SHQ1: variants seen among roughly 807,000 people sequenced by gnomAD.
SHQ1 encodes the protein SHQ1, H/ACA ribonucleoprotein assembly factor.
In SHQ1, 49 loss-of-function variants were observed where a neutral mutation model predicts 53.8. The ratio of observed to expected loss-of-function variants is 0.91; its 90% CI spans 0.72 to 1.16. The LOEUF is 1.16. Among genes scored for constraint, SHQ1 ranks in the 50% most tolerant of loss-of-function variants. The pLI is 0.00. For synonymous variants in SHQ1, 243 were observed against 251.0 expected (o/e 0.97, Z 0.30); for missense variants, 738 against 683.1 (o/e 1.08, Z -0.90).
chr3:72,809,776 C>A (rs758203581), intron 9 of SHQ1: 2 of 151,992 alleles, frequency 1.3e-5, no homozygotes, highest in Non-Finnish European at 2.9e-5. Flanking sequence ...CTGGTCAACA[C>A]GGCAAAACCC....
downstream of SHQ1, among the ~76,000 whole-genome samples, chr3:72,748,973 A>ACACG (rs1559656136): frequency 1.2e-5 from 1 of 85,278 alleles, no homozygotes; most frequent in Non-Finnish European, 2.9e-5. Flanking sequence ...ACGCACACGC[A>ACACG]CACACACACA....
At chr3:72,821,126 T>A (rs775197556) in intron 6 of SHQ1, among the ~76,000 whole-genome samples, 1 of 152,024 alleles carries the variant, frequency 6.6e-6, no homozygotes, top group Non-Finnish European at 1.5e-5. Flanking sequence ...CCAGAAAAAA[T>A]TGTGCTGCAT....
At position 72,790,215 on chromosome 3, in the gene SHQ1, T is replaced by C. The variant is rs144760275; in HGVS notation, c.1181+2701A>G. ...TATGCATTACAAGACACAGATATCA[T>C]AGGGAAAAATAACATAGGGAAACCT... is the stretch of plus-strand genomic sequence containing the variant. On this transcript the variant is annotated intron_variant, in intron 10 of 10. Coordinates refer to ENST00000325599, the MANE Select transcript of SHQ1 (RefSeq NM_018130.3). Among the ~76,000 whole-genome samples, 51 of 152,266 alleles carry C rather than the reference T, an allele frequency of 3.3e-4. No individual in the cohort carries two copies. In the East Asian group the frequency reaches 4.2e-3, roughly 13 times the overall value.
the SHQ1 span, among the ~76,000 whole-genome samples, chr3:72,729,506 G>GA: frequency 1.3e-5 from 2 of 151,882 alleles, no homozygotes; most frequent in Non-Finnish European, 2.9e-5. Flanking sequence ...TGAGGACCAG[G>GA]AAAAAAATAA....
chr3:72,751,533 T>TACAC lies in SHQ1; in HGVS notation c.1182-698_1182-697insGTGT, dbSNP rs1399824395. Among the ~76,000 whole-genome samples the TACAC allele has an allele frequency of 7.7e-3, 943 of 122,164 alleles. 13 individuals are homozygous for TACAC. The highest frequency in any genetic ancestry group is 0.012 in the Non-Finnish European group (702 of 58,034). The allele number at this position is 122,164 out of a possible 152,430, so 80.1% of individuals were successfully genotyped here. A position where few individuals can be genotyped will look rare whatever the true frequency, so the allele number is the denominator to read the frequency against. On this transcript the variant is annotated intron_variant, in intron 10 of 10. Coordinates refer to ENST00000325599, the MANE Select transcript of SHQ1 (RefSeq NM_018130.3). ...GTATATATATATATATATATATACA[T>TACAC]ATACATACACTAATAAAGCCTAACT...
the SHQ1 span, among the ~76,000 whole-genome samples, chr3:72,743,562 A>G: frequency 6.6e-6 from 1 of 152,246 alleles, no homozygotes; most frequent in Non-Finnish European, 1.5e-5. Context: ...AAGATAAGAG[A>G]ATCAAGACTT....
At chr3:72,732,429 T>TTCCTTCCTTC in the SHQ1 span, among the ~76,000 whole-genome samples, 1 of 55,132 alleles carries the variant, frequency 1.8e-5, no homozygotes, top group Non-Finnish European at 4.4e-5. Context: ...TTCCTTCCTC[T>TTCCTTCCTTC]CTCTCTCTCT....
At chr3:72,829,533 A>G (rs1161547098) in intron 5 of SHQ1, among the ~76,000 whole-genome samples, 1 of 152,256 alleles carries the variant, frequency 6.6e-6, no homozygotes, top group Non-Finnish European at 1.5e-5. Flanking sequence ...GAAGGGATAC[A>G]TAAAATTGTA....
intron 4 of SHQ1, among the ~76,000 whole-genome samples, chr3:72,834,473 T>C (rs1707931782): frequency 6.6e-6 from 1 of 152,022 alleles, no homozygotes; most frequent in South Asian, 2.1e-4. Flanking sequence ...GAGGTTGCAG[T>C]GAGATGAGAT....
chr3:72,844,108 G>A (rs542891055), intron 2 of SHQ1, among the ~76,000 whole-genome samples: 1 of 152,246 alleles, frequency 6.6e-6, no homozygotes, highest in South Asian at 2.1e-4. Flanking sequence ...TAAATGTAGG[G>A]GAAGTACTCT....
At position 72,832,424 on chromosome 3, in the gene SHQ1, G is replaced by C; in HGVS notation, c.544C>G (p.Arg182Gly). 1 of 1,612,902 alleles carries C rather than the reference G, an allele frequency of 6.2e-7. No individual in the cohort carries two copies. Among genetic ancestry groups the C allele is most frequent in the Non-Finnish European group, 8.5e-7 (1 of 1,179,938 alleles). Reference sequence around the variant, plus strand: ...TCAGCGGCCAGGCGCTTCTGTCTTCGTTCAGCTGCAGGGGTGAAATCTGGA... The same window carrying C: ...TCAGCGGCCAGGCGCTTCTGTCTTCCTTCAGCTGCAGGGGTGAAATCTGGA... ...KDPDFTPAAE[R>G]RQKRLAAELA... The change falls in exon 5 of 11, where the codon CGA (arginine) becomes GGA (glycine). Residue 182 changes from arginine to glycine, a missense_variant. Physicochemically the swap from Arg to Gly is moderately radical, Grantham distance 125. Transcript: ENST00000325599.
intron 4 of SHQ1, among the ~76,000 whole-genome samples, chr3:72,836,627 G>A (rs1371448238): frequency 6.6e-6 from 1 of 152,176 alleles, no homozygotes; most frequent in Non-Finnish European, 1.5e-5. Context: ...ACCCAGGCTT[G>A]TTCTATGCAC....
Position 72,817,185 on chromosome 3 carries a change from T to G in SHQ1, c.882+45A>C, listed in dbSNP as rs761029562. On this transcript the variant is annotated intron_variant, in intron 7 of 10. Coordinates refer to ENST00000325599, the MANE Select transcript of SHQ1 (RefSeq NM_018130.3). ...AGACTGATGCTTTAATGCAGTTTACTCAGCACAGTCATCTATGGCAACATG... is the reference window on the plus strand; with the variant it reads ...AGACTGATGCTTTAATGCAGTTTACGCAGCACAGTCATCTATGGCAACATG... The G allele has an allele frequency of 3.2e-6, 5 of 1,578,444 alleles. No homozygotes were observed. In the Admixed American group the frequency reaches 8.9e-5, roughly 28 times the overall value.
chr3:72,738,908 G>GACGCCCGAGGACCCGACGGAGCT, the SHQ1 span, among the ~76,000 whole-genome samples: 22 of 152,028 alleles, frequency 1.4e-4, no homozygotes, highest in Admixed American at 1.0e-3. Flanking sequence ...CCCGCCCCGC[G>GACGCCCGAGGACCCGACGGAGCT]ACGCCCGAGG....
At chr3:72,808,652 C>T (rs1309704762) in intron 9 of SHQ1, among the ~76,000 whole-genome samples, 1 of 152,130 alleles carries the variant, frequency 6.6e-6, no homozygotes, top group African/African-American at 2.4e-5. Flanking sequence ...TTATTATTAA[C>T]AAACTAGCCA....
At chr3:72,761,177 T>C (rs1705601702) in intron 10 of SHQ1, among the ~76,000 whole-genome samples, 2 of 152,150 alleles carry the variant, frequency 1.3e-5, no homozygotes, top group Non-Finnish European at 2.9e-5. Context: ...TTAAAATTTT[T>C]TTTATTCTTT....
chr3:72,817,374 A>C lies in SHQ1; in HGVS notation c.738T>G (p.Ser246=), dbSNP rs200960423. 3.1e-6 allele frequency: 5 copies of C among 1,609,334 alleles called. No individual in the cohort carries two copies. Among genetic ancestry groups the C allele is most frequent in the Non-Finnish European group, 3.4e-6 (4 of 1,177,532 alleles). Residue 246 remains serine (S), a synonymous_variant, in exon 7 of 11, where the codon TCT becomes TCG. Coordinates refer to ENST00000325599, the MANE Select transcript of SHQ1 (RefSeq NM_018130.3). ...TTCGTAGCTGATACTTCTCTTCTTCAGAAAAAGACACTAGAAGAAAACGCA... is the reference window on the plus strand; with the variant it reads ...TTCGTAGCTGATACTTCTCTTCTTCCGAAAAAGACACTAGAAGAAAACGCA... ...QENHATLVSF[S]EEEKYQLRKF... is the part of the protein sequence containing the mutation.
At chr3:72,823,975 T>C (rs1224009025) in intron 6 of SHQ1, among the ~76,000 whole-genome samples, 1 of 152,218 alleles carries the variant, frequency 6.6e-6, no homozygotes, top group Non-Finnish European at 1.5e-5. Context: ...AATATATCAA[T>C]GCTACACTGC....
At chr3:72,786,227 C>A (rs116721752) in intron 10 of SHQ1, among the ~76,000 whole-genome samples, 2,128 of 152,254 alleles carry the variant, frequency 0.014, 22 homozygotes, top group Non-Finnish European at 0.023. Flanking sequence ...TCTTAACTGG[C>A]CTTTAAGTCT....
Sources: gnomAD v4.1 joint callset for allele counts (sites outside exome capture counted in the v4.1 genomes callset) on GRCh38, gnomAD v4.1.1 for gene constraint, MANE v1.5 for transcripts, NCBI Gene and HGNC (gene_info 2026-07-23, HGNC 2026-07-21) for gene names.